The following RIMS2 variants were observed in gnomAD, a reference collection of about 807,000 sequenced individuals.
The protein encoded by RIMS2 is regulating synaptic membrane exocytosis protein 2.
RIMS2 carries 59 observed loss-of-function variants against 174.4 expected under a neutral mutation model. The observed-to-expected ratio is 0.34, with a 90% CI of 0.27 to 0.42. The LOEUF (loss-of-function observed/expected upper bound fraction) is 0.42. Among genes scored for constraint, RIMS2 ranks in the 10% least tolerant of loss-of-function variants. The probability of loss-of-function intolerance (pLI) is 1.00; values close to 1 mark genes in which losing one functional copy is unlikely to be tolerated. For missense variants in RIMS2, 1,620 were observed against 1,666.3 expected (o/e 0.97, Z 0.48); for synonymous variants, 606 against 572.5 (o/e 1.06, Z -0.84).
chr8:104,080,610 C>A (rs1257431685), intron 19 of RIMS2, among the ~76,000 whole-genome samples: 2 of 151,944 alleles, frequency 1.3e-5, no homozygotes, highest in Admixed American at 1.3e-4. Context: ...AACCTTTAGT[C>A]AATAAAGTCA....
intron 19 of RIMS2, among the ~76,000 whole-genome samples, chr8:104,190,909 G>A (rs992595180): frequency 6.7e-6 from 1 of 150,018 alleles, no homozygotes; most frequent in South Asian, 2.1e-4. Context: ...TTTGAAGAAT[G>A]ACAAATTTAA....
At chr8:104,200,640 G>C (rs7012041) in intron 19 of RIMS2, among the ~76,000 whole-genome samples, 1 of 152,158 alleles carries the variant, frequency 6.6e-6, no homozygotes, top group Non-Finnish European at 1.5e-5. Context: ...CGGGCGTGGC[G>C]CTCACGCTGT....
chr8:103,587,704 T>C (rs1246953694), intron 1 of RIMS2, among the ~76,000 whole-genome samples: 1 of 152,074 alleles, frequency 6.6e-6, no homozygotes, highest in South Asian at 2.1e-4. Context: ...TTTGATAAAA[T>C]TCAGCATTTC....
chr8:103,860,189 A>G (rs1243385877), intron 3 of RIMS2, among the ~76,000 whole-genome samples: 1 of 152,118 alleles, frequency 6.6e-6, no homozygotes, highest in Non-Finnish European at 1.5e-5. Context: ...TTTATTGCCT[A>G]TTGAACTGAG....
chr8:103,721,372 A>G (rs1015046419), intron 2 of RIMS2, among the ~76,000 whole-genome samples: 3 of 152,208 alleles, frequency 2.0e-5, no homozygotes, highest in African/African-American at 4.8e-5. Context: ...GGTCTCCTAT[A>G]AAAAGGGATT....
intron 1 of RIMS2, among the ~76,000 whole-genome samples, chr8:103,537,124 C>T (rs1840181060): frequency 6.6e-6 from 1 of 152,140 alleles, no homozygotes; most frequent in Non-Finnish European, 1.5e-5. Context: ...AATCATAATA[C>T]TTAGCTCAAC....
intron 15 of RIMS2, among the ~76,000 whole-genome samples, chr8:103,964,414 T>C (rs2091194180): frequency 6.6e-6 from 1 of 152,222 alleles, no homozygotes; most frequent in South Asian, 2.1e-4. Context: ...TGATGACATA[T>C]GAGGTTGAAC....
In RIMS2 at chr8:103,623,806, T is replaced by TAA. The variant is rs1252899345; in HGVS notation, c.177-73276_177-73275dup. Reference sequence around the variant, plus strand: ...GCCCGGTCTCTTCATTTTTTTTTTTTAAAAAGGAAGGAACTAGAGGTCATC... The same window carrying TAA: ...GCCCGGTCTCTTCATTTTTTTTTTTTAAAAAAAGGAAGGAACTAGAGGTCATC... On this transcript the variant is annotated intron_variant, in intron 1 of 23. Transcript: ENST00000504942. 6.1e-3 allele frequency among the ~76,000 whole-genome samples: 922 copies of TAA among 151,452 alleles called. 9 individuals carry two copies. The highest frequency in any genetic ancestry group is 0.021 in the African/African-American group (871 of 41,284).
intron 19 of RIMS2, among the ~76,000 whole-genome samples, chr8:104,207,791 C>T (rs975351933): frequency 6.6e-6 from 1 of 150,780 alleles, no homozygotes; most frequent in African/African-American, 2.4e-5. Flanking sequence ...ACAGTCTGGA[C>T]AACAAGAGCA....
chr8:103,744,195 GC>G (rs2097786219), intron 2 of RIMS2, among the ~76,000 whole-genome samples: 2 of 151,926 alleles, frequency 1.3e-5, no homozygotes, highest in African/African-American at 4.8e-5. Context: ...ACAGGCATGC[GC>G]CACCACGCCT....
chr8:104,100,655 A>T (rs1215296384), intron 19 of RIMS2, among the ~76,000 whole-genome samples: 1 of 151,498 alleles, frequency 6.6e-6, no homozygotes, highest in Non-Finnish European at 1.5e-5. Flanking sequence ...TTAAGATTTT[A>T]TTATTATCTC....
At chr8:104,194,507 G>A (rs1156810624) in intron 19 of RIMS2, among the ~76,000 whole-genome samples, 3 of 152,124 alleles carry the variant, frequency 2.0e-5, no homozygotes, top group African/African-American at 7.2e-5. Flanking sequence ...GGACATGAAG[G>A]TGAATGGAAA....
intron 19 of RIMS2, among the ~76,000 whole-genome samples, chr8:104,093,260 C>T (rs1380127777): frequency 6.6e-6 from 1 of 152,020 alleles, no homozygotes; most frequent in Non-Finnish European, 1.5e-5. Context: ...GTGGTAAAAA[C>T]ATTCTAATTA....
intron 3 of RIMS2, among the ~76,000 whole-genome samples, chr8:103,819,883 A>G (rs2098741284): frequency 6.6e-6 from 1 of 152,048 alleles, no homozygotes; most frequent in Non-Finnish European, 1.5e-5. Flanking sequence ...CTGTTTCATT[A>G]TTTTGTTTTC....
intron 16 of RIMS2, among the ~76,000 whole-genome samples, chr8:103,983,279 T>G (rs2094069953): frequency 6.6e-6 from 1 of 152,230 alleles, no homozygotes; most frequent in African/African-American, 2.4e-5. Flanking sequence ...TGTTCCATGT[T>G]CATGGATTGG....
chr8:103,683,902 A>G (rs1202412456), intron 1 of RIMS2, among the ~76,000 whole-genome samples: 2 of 152,172 alleles, frequency 1.3e-5, no homozygotes, highest in Non-Finnish European at 2.9e-5. Flanking sequence ...ATCTGAAGTG[A>G]CAGAAAAAGT....
At chr8:103,910,045 G>A in intron 4 of RIMS2, 1 of 742,086 alleles carries the variant, frequency 1.3e-6, no homozygotes, top group Non-Finnish European at 2.4e-6. Context: ...GACCAGACAG[G>A]ATCACACAGT....
chr8:103,615,825 G>A (rs1307453927), intron 1 of RIMS2, among the ~76,000 whole-genome samples: 1 of 152,112 alleles, frequency 6.6e-6, no homozygotes, highest in East Asian at 1.9e-4. Context: ...GAGCCAGGAA[G>A]TAATTGATTC....
intron 3 of RIMS2, among the ~76,000 whole-genome samples, chr8:103,789,481 C>T (rs1201954650): frequency 6.6e-6 from 1 of 152,140 alleles, no homozygotes; most frequent in Non-Finnish European, 1.5e-5. Flanking sequence ...ACCTTAATCA[C>T]ATCTGCAAAA....
Sources: allele counts gnomAD v4.1 joint callset (sites outside exome capture counted in the v4.1 genomes callset), GRCh38; gene constraint gnomAD v4.1.1; transcripts MANE v1.5; gene names NCBI Gene and HGNC (gene_info 2026-07-23, HGNC 2026-07-21).